CHD8: variants seen among roughly 807,000 people sequenced by gnomAD.
CHD8 encodes the protein chromodomain helicase DNA binding protein 8, also known as ATP-dependent chromatin remodeler CHD8.
CHD8 carries 31 observed loss-of-function variants against 279.2 expected under a neutral mutation model. The ratio of observed to expected loss-of-function variants is 0.11; its 90% CI spans 0.08 to 0.15. The LOEUF (loss-of-function observed/expected upper bound fraction) is 0.15, where lower values mean the gene tolerates loss of function less well. Ranked by LOEUF, CHD8 falls within the 10% of genes least tolerant of loss-of-function variation. The probability of loss-of-function intolerance (pLI) is 1.00; values close to 1 mark genes in which losing one functional copy is unlikely to be tolerated. For synonymous variants in CHD8, 1,081 were observed against 1,139.6 expected, an observed-to-expected ratio of 0.95 and a Z score of 1.04; for missense variants, 2,146 against 3,230.5, an observed-to-expected ratio of 0.66 and a Z score of 8.14.
chr14:21,436,216 G>T (rs1323679937), intron 1 of CHD8, among the ~76,000 whole-genome samples: 2 of 152,142 alleles, frequency 1.3e-5, no homozygotes. Context: ...AACAAATCTT[G>T]TTGTTGGAAA....
intron 1 of CHD8, among the ~76,000 whole-genome samples, chr14:21,444,250 ATGT>A (rs1890058886): frequency 1.3e-5 from 2 of 152,214 alleles, no homozygotes; most frequent in Non-Finnish European, 2.9e-5. Flanking sequence ...TACTTGACAA[ATGT>A]TGTTGGATAA....
At chr14:21,455,838 C>T (rs1392175065) in intron 1 of CHD8, among the ~76,000 whole-genome samples, 194 bp downstream of exon 1, 2 of 152,274 alleles carry the variant, frequency 1.3e-5, no homozygotes, top group East Asian at 3.9e-4. Context: ...GGCAGCCACC[C>T]TCTCCCCCGG....
rs1887194216 is a variant in CHD8, at chr14:21,385,745, C to A, written c.7614G>T (p.Glu2538Asp). ...TLRLPPLQPE[E>D]DDDEDEEDDD... ...CATCTTCTTCATCCTCATCGTCATC[C>A]TCCTCAGGTTGCAGTGGTGGCAACC... Residue 2538 changes from glutamate (E) to aspartate (D), a missense_variant, in exon 38 of 38, where the codon GAG becomes GAT. Glu to Asp is a conservative substitution (Grantham distance 45, BLOSUM62 2). Coordinates refer to ENST00000646647, the MANE Select transcript of CHD8 (RefSeq NM_001170629.2). The A allele has an allele frequency of 1.3e-6, 2 of 1,551,370 alleles. No individual in the cohort carries two copies. The highest frequency in any genetic ancestry group is 1.7e-6 in the Non-Finnish European group (2 of 1,146,918).
In CHD8 at chr14:21,431,661, G is replaced by A. The variant is rs1344132774; in HGVS notation, c.-18C>T. 6.4e-7 allele frequency: 1 copy of A among 1,558,354 alleles called. No individual in the cohort carries two copies. Among genetic ancestry groups the A allele is most frequent in the Non-Finnish European group, 8.7e-7 (1 of 1,154,424 alleles). ...TCTGCCATCTTGGGAAAGTAATGGA[G>A]GGTACTTCTCCAAGGTCTAGGGAGG... On this transcript the variant is annotated 5_prime_UTR_variant, in exon 2 of 38. Transcript: ENST00000646647.
rs537281228 is a variant in CHD8 at position 21,408,591 on chromosome 14, A to G, written c.2487-36T>C. On this transcript the variant is annotated intron_variant, in intron 12 of 37. Transcript: ENST00000646647. The surrounding 1 kb of genome is among the most constrained non-coding windows in gnomAD (Gnocchi z 4.3). ...ACCATGGGAAAAAAAAAATGTTAAA[A>G]GATACTATCTTTAAAAAAAATAGAG... 3 of 1,586,416 alleles carry G rather than the reference A, an allele frequency of 1.9e-6. No individual in the cohort carries two copies. In the Admixed American group the frequency reaches 5.4e-5, roughly 29 times the overall value.
intron 34 of CHD8, 97 bp downstream of exon 34, chr14:21,392,410 G>T: frequency 8.4e-7 from 1 of 1,190,904 alleles, no homozygotes; most frequent in Non-Finnish European, 1.2e-6. Flanking sequence ...TTTAAAATTA[G>T]CTAACCAAAT....
At chr14:21,442,009 T>G (rs1231343692) in intron 1 of CHD8, among the ~76,000 whole-genome samples, 1 of 152,144 alleles carries the variant, frequency 6.6e-6, no homozygotes, top group Non-Finnish European at 1.5e-5. Context: ...TGGAGATAGA[T>G]TTTGAGAGTT....
At chr14:21,447,089 A>G (rs1890140724) in intron 1 of CHD8, among the ~76,000 whole-genome samples, 1 of 152,214 alleles carries the variant, frequency 6.6e-6, no homozygotes, top group Non-Finnish European at 1.5e-5. Context: ...CCTCACTCAG[A>G]CTGCATGACA....
At chr14:21,427,291 C>T (rs1290312098) in intron 4 of CHD8, 12 of 372,734 alleles carry the variant, frequency 3.2e-5, no homozygotes, top group Non-Finnish European at 5.0e-5. Context: ...CTTGCTCTTG[C>T]CCGTCCCATC....
chr14:21,454,582 C>T (rs1486723712), intron 1 of CHD8, among the ~76,000 whole-genome samples: 1 of 152,144 alleles, frequency 6.6e-6, no homozygotes, highest in Non-Finnish European at 1.5e-5. Context: ...TCCGCCTCCA[C>T]CTCCCAAAGT....
intron 1 of CHD8, among the ~76,000 whole-genome samples, chr14:21,435,435 A>C (rs1351021964): frequency 6.6e-6 from 1 of 152,082 alleles, no homozygotes. Context: ...CAGCTTTACC[A>C]CCTTTAATAC....
intron 10 of CHD8, among the ~76,000 whole-genome samples, chr14:21,411,941 G>A (rs1888510618): frequency 6.6e-6 from 1 of 151,958 alleles, no homozygotes; most frequent in African/African-American, 2.4e-5. Context: ...GCACACGCTT[G>A]CAGTCCCAGC....
chr14:21,391,118 T>C (rs1887518213), intron 36 of CHD8, 55 bp from the exon 37 acceptor site: 1 of 1,100,480 alleles, frequency 9.1e-7, no homozygotes, highest in South Asian at 1.3e-5. Flanking sequence ...TCTGGAGTAA[T>C]TATTAAAGTA....
chr14:21,454,517 G>A (rs1890338944), intron 1 of CHD8, among the ~76,000 whole-genome samples: 1 of 151,936 alleles, frequency 6.6e-6, no homozygotes, highest in South Asian at 2.1e-4. Flanking sequence ...TTTTAGAGAC[G>A]GGGTTTCACC....
chr14:21,441,688 A>C (rs945532157), intron 1 of CHD8, among the ~76,000 whole-genome samples: 2 of 152,046 alleles, frequency 1.3e-5, no homozygotes, highest in Non-Finnish European at 1.5e-5. Context: ...GGAGATGGAG[A>C]CCATCCTGGC....
chr14:21,425,946 A>G (rs1594373139), intron 5 of CHD8, 182 bp downstream of exon 5: 2 of 557,740 alleles, frequency 3.6e-6, no homozygotes, highest in Non-Finnish European at 3.1e-6. Flanking sequence ...CAAGAAGAAG[A>G]AAACAACAAC....
chr14:21,447,948 C>G (rs1184311405), intron 1 of CHD8, among the ~76,000 whole-genome samples: 1 of 152,132 alleles, frequency 6.6e-6, no homozygotes, highest in Non-Finnish European at 1.5e-5. Context: ...CCAATGTTCA[C>G]CTTATACTAC....
At chr14:21,387,358 G>A (rs772303852) in intron 37 of CHD8, among the ~76,000 whole-genome samples, 2 of 152,098 alleles carry the variant, frequency 1.3e-5, no homozygotes, top group Non-Finnish European at 2.9e-5. Context: ...TCAGCCAGGC[G>A]TGGTGGCTCA....
At position 21,394,749 on chromosome 14, in the gene CHD8, A is replaced by G. The variant is rs960638660; in HGVS notation, c.5390+163T>C. ...GAGACCTACCTGAGAGTTAATGATT[A>G]CTGCATGCAAGTGAGGTTTTAATTT... is the stretch of plus-strand genomic sequence containing the variant. On this transcript the variant is annotated intron_variant, in intron 30 of 37. Transcript: ENST00000646647. 5.8e-6 allele frequency: 4 copies of G among 690,412 alleles called. No individual in the cohort carries two copies. The East Asian group carries it at 8.1e-5, about 14-fold the overall frequency. The allele number at this position is 690,412 out of a possible 1,614,324, so 42.8% of individuals were successfully genotyped here.
Sources: gnomAD v4.1 joint callset for allele counts (sites outside exome capture counted in the v4.1 genomes callset) on GRCh38, gnomAD v4.1.1 for gene constraint, Gnocchi (gnomAD v3.1) non-coding constraint, MANE v1.5 for transcripts, NCBI Gene and HGNC (gene_info 2026-07-23, HGNC 2026-07-21) for gene names.